The following SLAIN2 variants were observed in gnomAD, a reference collection of about 807,000 sequenced individuals.
SLAIN2 encodes the protein SLAIN family member 2, also known as SLAIN motif-containing protein 2.
Under a neutral mutation model 56.6 loss-of-function variants are expected in SLAIN2, and 31 were observed. The ratio of observed to expected loss-of-function variants is 0.55; its 90% CI spans 0.41 to 0.74. The LOEUF is 0.74. SLAIN2 is among the 30% of genes least tolerant of loss of function. The probability of loss-of-function intolerance (pLI) is 0.00; values close to 1 mark genes in which losing one functional copy is unlikely to be tolerated. For missense variants in SLAIN2, 777 were observed against 754.2 expected, an observed-to-expected ratio of 1.03 and a Z score of -0.35; for synonymous variants, 317 against 284.9, an observed-to-expected ratio of 1.11 and a Z score of -1.13.
intron 1 of SLAIN2, among the ~76,000 whole-genome samples, chr4:48,367,636 G>T (rs1715553501): frequency 6.6e-6 from 1 of 151,700 alleles, no homozygotes; most frequent in Admixed American, 6.6e-5. Flanking sequence ...TGGGGGTGGG[G>T]GGGCAGTTGT....
In SLAIN2 at chr4:48,420,217, T is replaced by C. The variant is rs1240191400; in HGVS notation, c.1453T>C (p.Ser485Pro). Reference sequence around the variant, plus strand: ...AGCATTTAGTAACCATGGCTCTGGTTCTCCTGGTAGCCAAGAAATAACACA... The same window carrying C: ...AGCATTTAGTAACCATGGCTCTGGTCCTCCTGGTAGCCAAGAAATAACACA... ...VKAFSNHGSG[S>P]PGSQEITQLT... The change falls in exon 7 of 8, where the codon TCT becomes CCT. Residue 485 changes from serine to proline, a missense_variant. Physicochemically the swap from Ser to Pro is moderately conservative, Grantham distance 74. Coordinates refer to ENST00000264313, the MANE Select transcript of SLAIN2 (RefSeq NM_020846.2). 1.2e-6 allele frequency: 2 copies of C among 1,613,936 alleles called. No individual in the cohort carries two copies. The highest frequency in any genetic ancestry group is 1.7e-5 in the Admixed American group (1 of 60,018).
intron 1 of SLAIN2, among the ~76,000 whole-genome samples, chr4:48,369,231 A>G (rs912232353): frequency 6.6e-6 from 1 of 152,172 alleles, no homozygotes; most frequent in African/African-American, 2.4e-5. Context: ...ACACTTCCTT[A>G]TCTTCTGCTC....
chr4:48,347,528 C>T lies in SLAIN2; in HGVS notation c.389+5400C>T, dbSNP rs1187924771. 3.9e-5 allele frequency among the ~76,000 whole-genome samples: 6 copies of T among 152,278 alleles called. No individual in the cohort carries two copies. The South Asian group carries it at 6.2e-4, about 16-fold the overall frequency. On this transcript the variant is annotated intron_variant, in intron 1 of 7. Transcript: ENST00000264313. ...CCTCCCAAAGTGTTGGGATTATAGG[C>T]GTGAGCCATCGTGCTCAGCTCCTTT...
Position 48,382,874 on chromosome 4 carries a change from T to C in SLAIN2, c.1169T>C (p.Leu390Pro), listed in dbSNP as rs1234431679. Reference sequence around the variant, plus strand: ...ATTAGCCGCTTACAGCAACCTCGCCTTTCACTTCAAGGCCATCCCACAGAT... The same window carrying C: ...ATTAGCCGCTTACAGCAACCTCGCCCTTCACTTCAAGGCCATCCCACAGAT... ...PMISRLQQPRLSLQGHPTDLQ... is the reference protein window; with the variant it reads ...PMISRLQQPRPSLQGHPTDLQ... The change falls in exon 5 of 8, where the codon CTT becomes CCT. Residue 390 changes from leucine (L) to proline (P), a missense_variant. Leu to Pro is a moderately conservative substitution (Grantham distance 98). Coordinates refer to ENST00000264313, the MANE Select transcript of SLAIN2 (RefSeq NM_020846.2). 1 of 1,613,352 alleles carries C rather than the reference T, an allele frequency of 6.2e-7. No homozygotes were observed. The highest frequency in any genetic ancestry group is 1.7e-5 in the Admixed American group (1 of 59,922).
intron 6 of SLAIN2, among the ~76,000 whole-genome samples, chr4:48,387,858 A>G (rs1013019583): frequency 1.3e-5 from 2 of 152,134 alleles, no homozygotes; most frequent in Non-Finnish European, 2.9e-5. Context: ...TAGTCTTTAT[A>G]TAATTTGTAC....
chr4:48,384,189 TTTGA>T (rs1716043525), intron 6 of SLAIN2, among the ~76,000 whole-genome samples: 8 of 152,198 alleles, frequency 5.3e-5, no homozygotes, highest in Admixed American at 6.5e-5. Flanking sequence ...TACCTAAAAG[TTTGA>T]TTATTACATA....
intron 6 of SLAIN2, among the ~76,000 whole-genome samples, chr4:48,408,715 T>G (rs1716769300): frequency 6.6e-6 from 1 of 151,836 alleles, no homozygotes; most frequent in African/African-American, 2.4e-5. Flanking sequence ...CTAAAATAGT[T>G]AACAGTAAGC....
In SLAIN2 at chr4:48,423,895, A is replaced by G. The variant is rs1390659468; in HGVS notation, c.*1818A>G. ...AAGCATCTTCTTTTGGGAGGGGGGT[A>G]TCTCATGTCTAAGTAAGTAAAAGAA... On this transcript the variant is annotated 3_prime_UTR_variant, in exon 8 of 8. Transcript: ENST00000264313. 1.3e-5 allele frequency: 2 copies of G among 152,154 alleles called. No individual in the cohort carries two copies. Among genetic ancestry groups the G allele is most frequent in the African/African-American group, 4.8e-5 (2 of 41,434 alleles). The allele number at this position is 152,154 out of a possible 1,614,324, so 9.4% of individuals were successfully genotyped here.
At chr4:48,372,009 CACATATACATATATACACATATATAT>C (rs1328582866) in intron 2 of SLAIN2, among the ~76,000 whole-genome samples, 8 of 150,392 alleles carry the variant, frequency 5.3e-5, no homozygotes, top group African/African-American at 2.0e-4. Context: ...CACACACACA[CACATATACATATATACACATATATAT>C]ACATATACAT....
chr4:48,397,362 T>A (rs111772195), intron 6 of SLAIN2, among the ~76,000 whole-genome samples: 1 of 152,084 alleles, frequency 6.6e-6, no homozygotes, highest in Non-Finnish European at 1.5e-5. Context: ...AAGAGGCAAC[T>A]AAGAAGGAAA....
intron 1 of SLAIN2, among the ~76,000 whole-genome samples, chr4:48,354,698 A>T (rs1403909547): frequency 5.9e-5 from 9 of 152,086 alleles, no homozygotes. Context: ...TCCGGACCTC[A>T]GATGATCCGC....
Position 48,425,086 on chromosome 4 carries a change from A to C in SLAIN2, c.*3009A>C, listed in dbSNP as rs1467200230. On this transcript the variant is annotated 3_prime_UTR_variant, in exon 8 of 8. Coordinates refer to ENST00000264313, the MANE Select transcript of SLAIN2 (RefSeq NM_020846.2). Reference sequence around the variant, plus strand: ...TCCTTTTTTCCTCTCAGTTGCCTACACTTGGTTTTAATAAATTACTCAGTT... The same window carrying C: ...TCCTTTTTTCCTCTCAGTTGCCTACCCTTGGTTTTAATAAATTACTCAGTT... 1 of 152,140 alleles carries C rather than the reference A, an allele frequency of 6.6e-6. No homozygotes were observed. Among genetic ancestry groups the C allele is most frequent in the Non-Finnish European group, 1.5e-5 (1 of 67,970 alleles). The allele number at this position is 152,140 out of a possible 1,614,324, so 9.4% of individuals were successfully genotyped here. A position where few individuals can be genotyped will look rare whatever the true frequency, so the allele number is the denominator to read the frequency against.
Position 48,341,769 on chromosome 4 carries a change from G to A in SLAIN2, c.30G>A (p.Ala10=). The A allele has an allele frequency of 1.3e-6, 2 of 1,530,616 alleles. No individual in the cohort carries two copies. Among genetic ancestry groups the A allele is most frequent in the Non-Finnish European group, 1.8e-6 (2 of 1,138,770 alleles). 94.8% of individuals were successfully genotyped at this position (1,530,616 alleles called of 1,614,324 possible). MEDVNSNVN[A]DQEVRKLQEL... is the part of the protein sequence containing the mutation. Reference sequence around the variant, plus strand: ...AGGACGTTAACTCCAACGTGAACGCGGACCAGGAGGTGCGGAAGCTGCAGG... The same window carrying A: ...AGGACGTTAACTCCAACGTGAACGCAGACCAGGAGGTGCGGAAGCTGCAGG... The change falls in exon 1 of 8, where the codon GCG becomes GCA. Residue 10 remains alanine (A), a synonymous_variant. Transcript: ENST00000264313.
chr4:48,382,933 A>G lies in SLAIN2; in HGVS notation c.1222+6A>G. Reference sequence around the variant, plus strand: ...AAGCAATGTTAAAAATGAAGGTAAAATAGCAGATTTTACTAATAATTAGAC... The same window carrying G: ...AAGCAATGTTAAAAATGAAGGTAAAGTAGCAGATTTTACTAATAATTAGAC... On this transcript the variant is annotated splice_donor_region_variant and intron_variant, in intron 5 of 7. Coordinates refer to ENST00000264313, the MANE Select transcript of SLAIN2 (RefSeq NM_020846.2). 1 of 1,588,978 alleles carries G rather than the reference A, an allele frequency of 6.3e-7. No individual in the cohort carries two copies. Among genetic ancestry groups the G allele is most frequent in the African/African-American group, 1.3e-5 (1 of 74,432 alleles).
intron 2 of SLAIN2, among the ~76,000 whole-genome samples, chr4:48,372,077 T>C (rs925059234): frequency 1.6e-4 from 25 of 151,544 alleles, no homozygotes; most frequent in African/African-American, 4.4e-4. Context: ...CACACACACA[T>C]ATATATCCCT....
intron 7 of SLAIN2, among the ~76,000 whole-genome samples, chr4:48,421,206 C>G (rs1427670608): frequency 6.6e-6 from 1 of 152,050 alleles, no homozygotes; most frequent in Non-Finnish European, 1.5e-5. Flanking sequence ...GGGGTTTTAC[C>G]ATGTTGCCCA....
At chr4:48,363,868 C>T (rs1486069743) in intron 1 of SLAIN2, among the ~76,000 whole-genome samples, 1 of 140,116 alleles carries the variant, frequency 7.1e-6, no homozygotes, top group African/African-American at 2.7e-5. Context: ...CCAGTAGGGG[C>T]GGCCGGGCAG....
chr4:48,410,013 T>C (rs1175978521), intron 6 of SLAIN2, among the ~76,000 whole-genome samples: 1 of 152,220 alleles, frequency 6.6e-6, no homozygotes, highest in Non-Finnish European at 1.5e-5. Context: ...GTTTAACATA[T>C]TAAGGATCTG....
At chr4:48,350,544 C>T (rs972720972) in intron 1 of SLAIN2, among the ~76,000 whole-genome samples, 5 of 152,150 alleles carry the variant, frequency 3.3e-5, no homozygotes, top group Admixed American at 1.3e-4. Flanking sequence ...GAGCACATTG[C>T]ATGTGACTCC....
Sources: gnomAD v4.1 joint callset for allele counts (sites outside exome capture counted in the v4.1 genomes callset) on GRCh38, gnomAD v4.1.1 for gene constraint, MANE v1.5 for transcripts, NCBI Gene and HGNC (gene_info 2026-07-23, HGNC 2026-07-21) for gene names.